VPS45: variants seen among roughly 807,000 people sequenced by gnomAD.
VPS45 encodes vacuolar protein sorting-associated protein 45.
VPS45 carries 35 observed loss-of-function variants against 75.9 expected under a neutral mutation model. That is an observed-to-expected ratio of 0.46 (90% CI 0.35 to 0.61). VPS45 has a LOEUF of 0.61. VPS45 is among the 20% of genes least tolerant of loss of function. VPS45 has a pLI of 0.00. For missense variants in VPS45, 559 were observed against 685.9 expected (o/e 0.81, Z 2.07); for synonymous variants, 220 against 238.2 (o/e 0.92, Z 0.70).
At chr1:150,083,190 A>G (rs1376865297) in intron 10 of VPS45, 6 of 213,806 alleles carry the variant, frequency 2.8e-5, no homozygotes, top group Non-Finnish European at 4.6e-5. Context: ...GCTTTGTGAC[A>G]TGGAGCTGTT....
At chr1:150,093,400 C>T (rs1553802412) in intron 12 of VPS45, 127 bp from the exon 13 acceptor site, 2 of 1,059,850 alleles carry the variant, frequency 1.9e-6, no homozygotes, top group African/African-American at 1.6e-5. Flanking sequence ...TTAAATTTCC[C>T]ACAGTTACGT....
At chr1:150,134,537 G>A (rs1323962804) in intron 14 of VPS45, among the ~76,000 whole-genome samples, 3 of 152,158 alleles carry the variant, frequency 2.0e-5, no homozygotes, top group Admixed American at 2.0e-4. Context: ...GCAGGTAAGT[G>A]CTAACCTAGA....
chr1:150,136,771 TAA>T (rs59528326), intron 14 of VPS45, among the ~76,000 whole-genome samples: 10 of 121,738 alleles, frequency 8.2e-5, no homozygotes, highest in African/African-American at 1.6e-4. Context: ...GAGCAAGATT[TAA>T]AAAAAAAAAA....
chr1:150,074,020 T>TG (rs1389888062), intron 3 of VPS45, among the ~76,000 whole-genome samples: 17 of 150,686 alleles, frequency 1.1e-4, no homozygotes, highest in East Asian at 3.9e-4. Context: ...GTTTTTGTTT[T>TG]TTTTTTTTGT....
chr1:150,111,603 T>C (rs1322025695), intron 14 of VPS45, among the ~76,000 whole-genome samples: 5 of 152,190 alleles, frequency 3.3e-5, no homozygotes, highest in East Asian at 3.8e-4. Context: ...AATCTAAAGA[T>C]TGGGGACCCT....
At chr1:150,098,195 G>A (rs587742391) in intron 13 of VPS45, among the ~76,000 whole-genome samples, 3 of 152,264 alleles carry the variant, frequency 2.0e-5, no homozygotes, top group South Asian at 2.1e-4. Context: ...GTTAATAGTC[G>A]TTACCTCTGG....
intron 14 of VPS45, among the ~76,000 whole-genome samples, chr1:150,135,349 G>A (rs1659019263): frequency 6.6e-6 from 1 of 151,708 alleles, no homozygotes; most frequent in African/African-American, 2.4e-5. Context: ...TACAACCTCT[G>A]CCTCCCAGGT....
rs782441436 is a variant in VPS45, at chr1:150,093,567, A to C, written c.1412A>C (p.His471Pro). ...NVYTQHQPFL[H>P]ETLDHLIKGR... ...TATACACAGCATCAACCTTTCCTAC[A>C]TGAAACCCTGGATCATCTCATCAAA... Residue 471 changes from histidine to proline, a missense_variant, in exon 13 of 15, where the codon CAT becomes CCT. Coordinates refer to ENST00000644510, the MANE Select transcript of VPS45 (RefSeq NM_007259.5). 6.2e-7 allele frequency: 1 copy of C among 1,613,940 alleles called. No homozygotes were observed. The highest frequency in any genetic ancestry group is 1.7e-5 in the Admixed American group (1 of 60,018).
intron 10 of VPS45, among the ~76,000 whole-genome samples, chr1:150,089,183 T>C (rs1656187788): frequency 6.6e-6 from 1 of 152,120 alleles, no homozygotes; most frequent in Admixed American, 6.5e-5. Context: ...ATACCAGTTT[T>C]GTGAATTTAT....
rs112091518 is a variant in VPS45, at chr1:150,123,491, T to G, written c.1625+12864T>G. ...ATGCAAATTTCTAGATGTAGTTAAA[T>G]AAACTATACCCATTATTTTATTCAC... is the stretch of plus-strand genomic sequence containing the variant. On this transcript the variant is annotated intron_variant, in intron 14 of 14. Transcript: ENST00000644510. Among the ~76,000 whole-genome samples, 24 of 152,328 alleles carry G rather than the reference T, an allele frequency of 1.6e-4. 1 individual carries two copies. The highest frequency in any genetic ancestry group is 5.0e-4 in the African/African-American group (21 of 41,588).
intron 14 of VPS45, among the ~76,000 whole-genome samples, chr1:150,129,582 C>T (rs1428952206): frequency 2.0e-5 from 3 of 151,862 alleles, no homozygotes; most frequent in East Asian, 3.9e-4. Flanking sequence ...TTATTTGAGA[C>T]GGAGTCTTGC....
rs1553813840 is a variant in VPS45, at chr1:150,136,790, A to AAT, written c.1626-7919_1626-7918insAT. ...AAGATTTAAAAAAAAAAAAAAAAAAAGGTGTACCACATTTGAGAAATAATG... is the reference window on the plus strand; with the variant it reads ...AAGATTTAAAAAAAAAAAAAAAAAAAATGGTGTACCACATTTGAGAAATAATG... On this transcript the variant is annotated intron_variant, in intron 14 of 14. Transcript: ENST00000644510. Among the ~76,000 whole-genome samples, 446 of 149,204 alleles carry AAT rather than the reference A, an allele frequency of 3.0e-3. 29 individuals carry two copies. The East Asian group carries it at 0.084, about 28-fold the overall frequency.
chr1:150,092,496 C>T, intron 12 of VPS45, 87 bp downstream of exon 12: 6 of 1,081,704 alleles, frequency 5.5e-6, no homozygotes, highest in Non-Finnish European at 6.7e-6. Flanking sequence ...TTCAAAGTAT[C>T]TTGAAGATTG....
intron 14 of VPS45, among the ~76,000 whole-genome samples, chr1:150,115,930 A>C (rs912299261): frequency 6.6e-6 from 1 of 152,196 alleles, no homozygotes; most frequent in Non-Finnish European, 1.5e-5. Context: ...TTGTAGCATC[A>C]GTTTATACTT....
At chr1:150,080,195 GA>G (rs1655628030) in intron 7 of VPS45, among the ~76,000 whole-genome samples, 1 of 150,976 alleles carries the variant, frequency 6.6e-6, no homozygotes, top group African/African-American at 2.4e-5. Flanking sequence ...GTCCAGGCTG[GA>G]GTGCAATGGT....
intron 14 of VPS45, among the ~76,000 whole-genome samples, chr1:150,131,633 G>A (rs587620007): frequency 3.4e-5 from 5 of 148,768 alleles, no homozygotes; most frequent in South Asian, 2.1e-4. Flanking sequence ...CCAGGAGTTC[G>A]AGACCAATCT....
chr1:150,144,599 T>C, intron 14 of VPS45, 110 bp from the exon 15 acceptor site: 1 of 915,686 alleles, frequency 1.1e-6, no homozygotes, highest in Middle Eastern at 2.4e-4. Flanking sequence ...CAGTACCTCC[T>C]GCCTACTATT....
intron 14 of VPS45, among the ~76,000 whole-genome samples, chr1:150,111,605 G>T (rs1457328414): frequency 1.3e-5 from 2 of 152,160 alleles, no homozygotes; most frequent in Non-Finnish European, 2.9e-5. Flanking sequence ...TCTAAAGATT[G>T]GGGACCCTGA....
chr1:150,083,863 G>A (rs951040851), intron 10 of VPS45, among the ~76,000 whole-genome samples: 5 of 151,922 alleles, frequency 3.3e-5, no homozygotes, highest in South Asian at 2.1e-4. Context: ...GGGGGCTCCC[G>A]GAGGATTTTA....
Sources: allele counts gnomAD v4.1 joint callset (sites outside exome capture counted in the v4.1 genomes callset), GRCh38; gene constraint gnomAD v4.1.1; transcripts MANE v1.5; gene names NCBI Gene and HGNC (gene_info 2026-07-23, HGNC 2026-07-21).